DOCK4: variants seen among roughly 807,000 people sequenced by gnomAD.
DOCK4 encodes the protein dedicator of cytokinesis protein 4.
In DOCK4, 97 loss-of-function variants were observed where a neutral mutation model predicts 268.1. The ratio of observed to expected loss-of-function variants is 0.36; its 90% CI spans 0.31 to 0.43. The LOEUF is 0.43. Among genes scored for constraint, DOCK4 ranks in the 20% least tolerant of loss-of-function variants. The probability of loss-of-function intolerance (pLI) is 1.00; values close to 1 mark genes in which losing one functional copy is unlikely to be tolerated. For synonymous variants in DOCK4, 954 were observed against 887.2 expected, an observed-to-expected ratio of 1.08 and a Z score of -1.34; for missense variants, 2,145 against 2,455.7, an observed-to-expected ratio of 0.87 and a Z score of 2.67.
chr7:112,071,057 T>C (rs73210924), intron 1 of DOCK4, among the ~76,000 whole-genome samples: 40,359 of 152,230 alleles, frequency 0.27, 6,411 homozygotes, highest in Non-Finnish European at 0.36. Flanking sequence ...CAGAAGACAG[T>C]TGACTACCCA....
intron 1 of DOCK4, among the ~76,000 whole-genome samples, chr7:112,182,944 A>G (rs1159720117): frequency 6.6e-6 from 1 of 152,244 alleles, no homozygotes; most frequent in Non-Finnish European, 1.5e-5. Context: ...GGCTGGGCCC[A>G]GTGGAATTCT....
intron 28 of DOCK4, among the ~76,000 whole-genome samples, chr7:111,809,660 G>A (rs903690875): frequency 1.3e-5 from 2 of 152,158 alleles, no homozygotes; most frequent in East Asian, 3.9e-4. Context: ...TTATCTAGGT[G>A]TATATTGCTC....
intron 1 of DOCK4, among the ~76,000 whole-genome samples, chr7:112,101,014 A>G (rs1810627820): frequency 6.6e-6 from 1 of 152,216 alleles, no homozygotes; most frequent in African/African-American, 2.4e-5. Context: ...ATAGCCATTC[A>G]TCTATTGTAA....
At chr7:111,939,630 A>T (rs1795042778) in intron 11 of DOCK4, among the ~76,000 whole-genome samples, 1 of 152,168 alleles carries the variant, frequency 6.6e-6, no homozygotes, top group South Asian at 2.1e-4. Flanking sequence ...GGATTGCAAA[A>T]ATTTCAAAAA....
chr7:112,073,424 T>C (rs1807781805), intron 1 of DOCK4, among the ~76,000 whole-genome samples: 1 of 152,018 alleles, frequency 6.6e-6, no homozygotes, highest in Non-Finnish European at 1.5e-5. Flanking sequence ...ATAAAGAAAA[T>C]GTATTTTCTT....
At chr7:112,001,717 C>T (rs777400625) in intron 2 of DOCK4, among the ~76,000 whole-genome samples, 1 of 152,110 alleles carries the variant, frequency 6.6e-6, no homozygotes, top group Non-Finnish European at 1.5e-5. Flanking sequence ...TCTATTTCAT[C>T]ATTAGTTCTT....
At chr7:112,039,778 C>T (rs909281306) in intron 1 of DOCK4, among the ~76,000 whole-genome samples, 22 of 152,102 alleles carry the variant, frequency 1.4e-4, no homozygotes, top group African/African-American at 4.1e-4. Context: ...AGTTACTCCA[C>T]GTCTTTATTT....
chr7:112,152,581 G>T (rs1363644225), intron 1 of DOCK4, among the ~76,000 whole-genome samples: 1 of 152,152 alleles, frequency 6.6e-6, no homozygotes, highest in African/African-American at 2.4e-5. Flanking sequence ...CCCTGCCATC[G>T]ATTTTAAATC....
intron 21 of DOCK4, 27 bp downstream of exon 21, chr7:111,869,547 C>G (rs1374030376): frequency 6.3e-7 from 1 of 1,597,028 alleles, no homozygotes; most frequent in East Asian, 2.2e-5. Context: ...TTGTTAGACT[C>G]TGCTGTTATC....
chr7:112,105,770 C>T (rs1563089678), intron 1 of DOCK4, among the ~76,000 whole-genome samples: 1 of 151,468 alleles, frequency 6.6e-6, no homozygotes, highest in African/African-American at 2.4e-5. Flanking sequence ...CTCACTGCAG[C>T]CTTGACCTCC....
intron 23 of DOCK4, among the ~76,000 whole-genome samples, chr7:111,855,277 G>A (rs1563596650): frequency 6.6e-6 from 1 of 152,152 alleles, no homozygotes; most frequent in Non-Finnish European, 1.5e-5. Context: ...AACAAGGAGA[G>A]AAAAGACAGA....
At chr7:111,764,598 T>A (rs1483095823) in intron 39 of DOCK4, among the ~76,000 whole-genome samples, 1 of 152,154 alleles carries the variant, frequency 6.6e-6, no homozygotes. Context: ...ATAGGTGTCT[T>A]AGAATGTCTA....
chr7:112,189,206 C>G (rs961852494), intron 1 of DOCK4, among the ~76,000 whole-genome samples: 1 of 151,968 alleles, frequency 6.6e-6, no homozygotes, highest in East Asian at 1.9e-4. Context: ...TCACCAATGG[C>G]TAATTGCATA....
intron 51 of DOCK4, chr7:111,732,543 G>C: frequency 3.8e-6 from 2 of 524,426 alleles, no homozygotes; most frequent in Non-Finnish European, 3.4e-6. Context: ...ACTATTGACA[G>C]GTTCCCAAAC....
At chr7:111,925,005 G>C (rs1003353026) in intron 12 of DOCK4, among the ~76,000 whole-genome samples, 4 of 152,044 alleles carry the variant, frequency 2.6e-5, no homozygotes, top group African/African-American at 9.7e-5. Flanking sequence ...ACATTATGAG[G>C]TATTAGCAAA....
At chr7:111,777,937 T>C (rs1798555287) in intron 36 of DOCK4, among the ~76,000 whole-genome samples, 1 of 152,172 alleles carries the variant, frequency 6.6e-6, no homozygotes, top group Non-Finnish European at 1.5e-5. Flanking sequence ...TTACCCAGTC[T>C]CAGGTATGTC....
At chr7:111,841,907 C>T (rs1301542884) in intron 25 of DOCK4, among the ~76,000 whole-genome samples, 2 of 152,172 alleles carry the variant, frequency 1.3e-5, no homozygotes, top group South Asian at 2.1e-4. Context: ...ACGCTCTGCA[C>T]GTCGATAGAA....
intron 1 of DOCK4, among the ~76,000 whole-genome samples, chr7:112,043,687 A>C (rs1804597007): frequency 6.6e-6 from 1 of 151,972 alleles, no homozygotes; most frequent in Admixed American, 6.6e-5. Context: ...TCAGGGAATG[A>C]ACAGGCAACC....
At chr7:111,854,743 T>A (rs1445821781) in intron 23 of DOCK4, among the ~76,000 whole-genome samples, 1 of 152,182 alleles carries the variant, frequency 6.6e-6, no homozygotes, top group African/African-American at 2.4e-5. Flanking sequence ...GTACCTAGTG[T>A]TCATGAAACA....
Sources: gnomAD v4.1 joint callset for allele counts (sites outside exome capture counted in the v4.1 genomes callset) on GRCh38, gnomAD v4.1.1 for gene constraint, MANE v1.5 for transcripts, NCBI Gene and HGNC (gene_info 2026-07-23, HGNC 2026-07-21) for gene names.